PRMT1: variants seen among roughly 807,000 people sequenced by gnomAD.
PRMT1 encodes the protein protein arginine methyltransferase 1.
Under a neutral mutation model 47.4 loss-of-function variants are expected in PRMT1, and 5 were observed. The ratio of observed to expected loss-of-function variants is 0.11; its 90% CI spans 0.06 to 0.22. The LOEUF (loss-of-function observed/expected upper bound fraction) is 0.22, where lower values mean the gene tolerates loss of function less well. Ranked by LOEUF, PRMT1 falls within the 10% of genes least tolerant of loss-of-function variation. PRMT1 has a pLI of 1.00. For synonymous variants in PRMT1, 227 were observed against 204.6 expected (o/e 1.11, Z -0.94); for missense variants, 249 against 518.4 (o/e 0.48, Z 5.05).
chr19:49,688,094 T>G lies in PRMT1; in HGVS notation c.1033-68T>G. The G allele has an allele frequency of 7.3e-7, 1 of 1,377,258 alleles. No individual in the cohort carries two copies. The highest frequency in any genetic ancestry group is 1.0e-6 in the Non-Finnish European group (1 of 964,920). 85.3% of individuals were successfully genotyped at this position (1,377,258 alleles called of 1,614,324 possible). On this transcript the variant is annotated intron_variant, in intron 10 of 10. Coordinates refer to ENST00000454376, the MANE Select transcript of PRMT1 (RefSeq NM_001536.6). The surrounding 1 kb of genome is among the most constrained non-coding windows in gnomAD (Gnocchi z 5.3). ...GAGCCCGGCTCATCGTCGCATAGCC[T>G]GCCTGCACCCGCCCCCCGCCACCAC...
At position 49,680,206 on chromosome 19, in the gene PRMT1, G is replaced by A; in HGVS notation, c.90+281G>A. On this transcript the variant is annotated intron_variant, in intron 2 of 10. Transcript: ENST00000454376. The surrounding 1 kb of genome is among the most constrained non-coding windows in gnomAD (Gnocchi z 4.2). ...CCTCCCCTCCCCAGCTGTGGGCTGAGCTAGAGACGGGGTCAGAGAGACTGG... is the reference window on the plus strand; with the variant it reads ...CCTCCCCTCCCCAGCTGTGGGCTGAACTAGAGACGGGGTCAGAGAGACTGG... The A allele has an allele frequency of 1.3e-6, 2 of 1,597,762 alleles. No homozygotes were observed. The highest frequency in any genetic ancestry group is 1.7e-6 in the Non-Finnish European group (2 of 1,170,254).
At chr19:49,677,490 G>A in intron 1 of PRMT1, 174 bp downstream of exon 1, 1 of 468,478 alleles carries the variant, frequency 2.1e-6, no homozygotes, top group Non-Finnish European at 3.5e-6. Flanking sequence ...CGGCTCCCTA[G>A]CTTCCAAGGG....
In PRMT1 at chr19:49,684,209, A is replaced by G. The variant is rs569855391; in HGVS notation, c.555+140A>G. 1.7e-6 allele frequency: 2 copies of G among 1,202,122 alleles called. No homozygotes were observed. Among genetic ancestry groups the G allele is most frequent in the Admixed American group, 2.1e-5 (1 of 47,514 alleles). The allele number at this position is 1,202,122 out of a possible 1,614,324, so 74.5% of individuals were successfully genotyped here. ...GTGTTAGAAAGCCACAGCCCAAGCC[A>G]GGTGTGACAGACCCTGGAGGGAGAT... On this transcript the variant is annotated intron_variant, in intron 6 of 10. Coordinates refer to ENST00000454376, the MANE Select transcript of PRMT1 (RefSeq NM_001536.6). The surrounding 1 kb of genome is among the most constrained non-coding windows in gnomAD (Gnocchi z 6.2).
chr19:49,679,085 T>C (rs1283606771), intron 1 of PRMT1, among the ~76,000 whole-genome samples: 2 of 152,018 alleles, frequency 1.3e-5, no homozygotes, highest in African/African-American at 4.8e-5. Flanking sequence ...GGTTTCACCA[T>C]GTTGGTCAGG....
intron 1 of PRMT1, among the ~76,000 whole-genome samples, chr19:49,678,795 G>C (rs577635000): frequency 6.6e-6 from 1 of 152,184 alleles, no homozygotes; most frequent in South Asian, 2.1e-4. Flanking sequence ...CTTTCCCAGA[G>C]GTGGCCTCAG....
Position 49,680,344 on chromosome 19 carries a change from A to G in PRMT1, c.91-143A>G. On this transcript the variant is annotated intron_variant, in intron 2 of 10. Transcript: ENST00000454376. This position sits in a 1 kb window ranked among gnomAD's most constrained non-coding sequence, Gnocchi z 4.2. ...GTTTTGGGGTTCCTGGGGGGGCAAG[A>G]TGGCAGGCGGGGGCTGTAGGGTTGT... 3 of 977,572 alleles carry G rather than the reference A, an allele frequency of 3.1e-6. No homozygotes were observed. Among genetic ancestry groups the G allele is most frequent in the Non-Finnish European group, 4.8e-6 (3 of 625,744 alleles). 60.6% of individuals were successfully genotyped at this position (977,572 alleles called of 1,614,324 possible).
chr19:49,679,726 C>T (rs2082087433), intron 1 of PRMT1, 146 bp from the exon 2 acceptor site: 8 of 681,594 alleles, frequency 1.2e-5, no homozygotes, highest in South Asian at 8.0e-5. Flanking sequence ...CACCCCACCT[C>T]ATTACTTGCC....
At chr19:49,676,937 A>C, upstream of PRMT1, 2 of 269,214 alleles carry the variant, frequency 7.4e-6, no homozygotes, top group Non-Finnish European at 1.4e-5. Flanking sequence ...CTCCCCGGGA[A>C]GCTTTGAGGC....
Position 49,682,240 on chromosome 19 carries a change from A to G in PRMT1, c.393A>G (p.Lys131=), listed in dbSNP as rs1188472192. Residue 131 remains lysine, a synonymous_variant, in exon 5 of 11, where the codon AAA becomes AAG. Coordinates refer to ENST00000454376, the MANE Select transcript of PRMT1 (RefSeq NM_001536.6). ...CTGATTATGCGGTGAAGATCGTCAAAGCCAACAAGTTAGACCACGGTGAGC... is the reference window on the plus strand; with the variant it reads ...CTGATTATGCGGTGAAGATCGTCAAGGCCAACAAGTTAGACCACGGTGAGC... ...SISDYAVKIV[K]ANKLDHVVTI... is the part of the protein sequence containing the mutation. 6.2e-7 allele frequency: 1 copy of G among 1,613,518 alleles called. No homozygotes were observed. The highest frequency in any genetic ancestry group is 2.2e-5 in the East Asian group (1 of 44,876).
Position 49,685,678 on chromosome 19 carries a change from G to A in PRMT1, c.760-415G>A. On this transcript the variant is annotated intron_variant, in intron 8 of 10. Coordinates refer to ENST00000454376, the MANE Select transcript of PRMT1 (RefSeq NM_001536.6). The surrounding 1 kb of genome is among the most constrained non-coding windows in gnomAD (Gnocchi z 4.7). ...TGGGGGAGGAGAGGAGACTACAGGGGCAGGGACCCCACTCGGGCCACCCTC... is the reference window on the plus strand; with the variant it reads ...TGGGGGAGGAGAGGAGACTACAGGGACAGGGACCCCACTCGGGCCACCCTC... 1 of 1,036,872 alleles carries A rather than the reference G, an allele frequency of 9.6e-7. No homozygotes were observed. The allele number at this position is 1,036,872 out of a possible 1,614,324, so 64.2% of individuals were successfully genotyped here.
chr19:49,687,267 G>A (rs1239575506), intron 10 of PRMT1, among the ~76,000 whole-genome samples: 1 of 152,128 alleles, frequency 6.6e-6, no homozygotes. Context: ...CGGGGGAGCT[G>A]GGGGGGCTTC....
At position 49,680,187 on chromosome 19, in the gene PRMT1, C is replaced by G. The variant is rs1277123577; in HGVS notation, c.90+262C>G. Reference sequence around the variant, plus strand: ...CTGCCCCCATTTTCCTTCCCCTCCCCTCCCCAGCTGTGGGCTGAGCTAGAG... The same window carrying G: ...CTGCCCCCATTTTCCTTCCCCTCCCGTCCCCAGCTGTGGGCTGAGCTAGAG... On this transcript the variant is annotated intron_variant, in intron 2 of 10. Coordinates refer to ENST00000454376, the MANE Select transcript of PRMT1 (RefSeq NM_001536.6). The surrounding 1 kb of genome is among the most constrained non-coding windows in gnomAD (Gnocchi z 4.2). 2.5e-6 allele frequency: 4 copies of G among 1,591,992 alleles called. No homozygotes were observed. The highest frequency in any genetic ancestry group is 3.4e-6 in the Non-Finnish European group (4 of 1,167,474).
upstream of PRMT1, among the ~76,000 whole-genome samples, chr19:49,676,850 T>C (rs1404363857): frequency 6.6e-6 from 1 of 152,188 alleles, no homozygotes; most frequent in Non-Finnish European, 1.5e-5. Context: ...CGCTTCCGGA[T>C]AAACCAATGG....
Position 49,686,513 on chromosome 19 carries a change from G to C in PRMT1, c.911-92G>C. The stretch of plus-strand genomic sequence containing the variant: ...CTCGCGGATAGCAGTCCCATCAGCT[G>C]TCATGGGGGTGGGCATTCCGACAGA... On this transcript the variant is annotated intron_variant, in intron 9 of 10. Coordinates refer to ENST00000454376, the MANE Select transcript of PRMT1 (RefSeq NM_001536.6). The C allele has an allele frequency of 2.3e-6, 3 of 1,306,574 alleles. No individual in the cohort carries two copies. In the South Asian group the frequency reaches 4.2e-5, roughly 18 times the overall value. 80.9% of individuals were successfully genotyped at this position (1,306,574 alleles called of 1,614,324 possible). A position where few individuals can be genotyped will look rare whatever the true frequency, so the allele number is the denominator to read the frequency against.
chr19:49,685,991 G>T lies in PRMT1; in HGVS notation c.760-102G>T. 6.6e-7 allele frequency: 1 copy of T among 1,516,568 alleles called. No individual in the cohort carries two copies. The highest frequency in any genetic ancestry group is 8.8e-7 in the Non-Finnish European group (1 of 1,137,578). The allele number at this position is 1,516,568 out of a possible 1,614,324, so 93.9% of individuals were successfully genotyped here. A position where few individuals can be genotyped will look rare whatever the true frequency, so the allele number is the denominator to read the frequency against. On this transcript the variant is annotated intron_variant, in intron 8 of 10. Transcript: ENST00000454376. The surrounding 1 kb of genome is among the most constrained non-coding windows in gnomAD (Gnocchi z 4.7). ...GCCAGTGAGGGAGGGCTAGCAGGAA[G>T]GGGACAGCGAGGTCACAGGCCCTCT... is the stretch of plus-strand genomic sequence containing the variant.
chr19:49,678,040 C>A (rs2082063246), intron 1 of PRMT1, among the ~76,000 whole-genome samples: 1 of 152,138 alleles, frequency 6.6e-6, no homozygotes, highest in South Asian at 2.1e-4. Context: ...GGTGGGGCAT[C>A]TAGATAGAGA....
At position 49,686,147 on chromosome 19, in the gene PRMT1, T is replaced by G; in HGVS notation, c.814T>G (p.Cys272Gly). The change falls in exon 9 of 11, where the codon TGC becomes GGC. Residue 272 changes from cysteine to glycine, a missense_variant. Physicochemically the swap from Cys to Gly is radical, Grantham distance 159. This residue lies in a region of PRMT1 where 190 missense variants were observed against 456.7 expected (regional missense o/e 0.42). Transcript: ENST00000454376. ...VEDLTFTSPF[C>G]LQVKRNDYVH... is the part of the protein sequence containing the mutation. The stretch of plus-strand genomic sequence containing the variant: ...AGACCTGACCTTCACCTCCCCGTTC[T>G]GCCTGCAAGTGAAGCGGAATGACTA... 6.2e-7 allele frequency: 1 copy of G among 1,614,118 alleles called. No individual in the cohort carries two copies. The highest frequency in any genetic ancestry group is 8.5e-7 in the Non-Finnish European group (1 of 1,179,984).
Position 49,684,620 on chromosome 19 carries a change from C to G in PRMT1, c.556-134C>G. 1 of 1,060,954 alleles carries G rather than the reference C, an allele frequency of 9.4e-7. No individual in the cohort carries two copies. Among genetic ancestry groups the G allele is most frequent in the South Asian group, 1.4e-5 (1 of 69,850 alleles). The allele number at this position is 1,060,954 out of a possible 1,614,324, so 65.7% of individuals were successfully genotyped here. On this transcript the variant is annotated intron_variant, in intron 6 of 10. Coordinates refer to ENST00000454376, the MANE Select transcript of PRMT1 (RefSeq NM_001536.6). The surrounding 1 kb of genome is among the most constrained non-coding windows in gnomAD (Gnocchi z 6.2). ...CTCTGGCGGCCGTGTGGGAAATAGACCAGGGGGCGAGGGGTGAGTGCCGCT... is the reference window on the plus strand; with the variant it reads ...CTCTGGCGGCCGTGTGGGAAATAGAGCAGGGGGCGAGGGGTGAGTGCCGCT...
chr19:49,686,289 G>A (rs147564876), intron 9 of PRMT1, 46 bp downstream of exon 9: 54 of 1,543,758 alleles, frequency 3.5e-5, no homozygotes, highest in Middle Eastern at 1.7e-4. Context: ...GAGCCAGGGC[G>A]GAGGCGCACC....
Sources: allele counts gnomAD v4.1 joint callset (sites outside exome capture counted in the v4.1 genomes callset), GRCh38; gene constraint gnomAD v4.1.1; regional missense constraint gnomAD v4.1.1; non-coding constraint Gnocchi (gnomAD v3.1); transcripts MANE v1.5; gene names NCBI Gene and HGNC (gene_info 2026-07-23, HGNC 2026-07-21).